MCC: variants seen among roughly 807,000 people sequenced by gnomAD.
MCC encodes colorectal mutant cancer protein.
Under a neutral mutation model 116.2 loss-of-function variants are expected in MCC, and 90 were observed. The observed-to-expected ratio is 0.77, with a 90% CI of 0.65 to 0.92. MCC has a LOEUF of 0.92. Ranked by LOEUF, MCC falls within the 40% of genes least tolerant of loss-of-function variation. MCC has a pLI of 0.00. For missense variants in MCC, 1,516 were observed against 1,312.2 expected, an observed-to-expected ratio of 1.16 and a Z score of -2.40; for synonymous variants, 578 against 510.5, an observed-to-expected ratio of 1.13 and a Z score of -1.78.
chr5:113,288,977 C>G (rs1766374464), intron 3 of MCC, among the ~76,000 whole-genome samples: 1 of 152,092 alleles, frequency 6.6e-6, no homozygotes, highest in Non-Finnish European at 1.5e-5. Flanking sequence ...ACAAAATGAA[C>G]AGCTATAAAG....
At chr5:113,247,641 G>A (rs1561484014) in intron 3 of MCC, among the ~76,000 whole-genome samples, 1 of 152,168 alleles carries the variant, frequency 6.6e-6, no homozygotes, top group African/African-American at 2.4e-5. Flanking sequence ...ACTGAGAGGA[G>A]ACTCAGCAGT....
chr5:113,077,658 T>G (rs564763560), intron 11 of MCC, among the ~76,000 whole-genome samples: 1 of 152,224 alleles, frequency 6.6e-6, no homozygotes, highest in East Asian at 1.9e-4. Context: ...TTTAAAGCAG[T>G]GTGTAGAGGG....
intron 1 of MCC, among the ~76,000 whole-genome samples, chr5:113,454,843 T>C (rs563946440): frequency 6.6e-6 from 1 of 152,208 alleles, no homozygotes; most frequent in Non-Finnish European, 1.5e-5. Flanking sequence ...AAAATGTTCA[T>C]CTGGGAGAGG....
At chr5:113,086,317 C>A (rs1486552423) in intron 8 of MCC, among the ~76,000 whole-genome samples, 1 of 78,632 alleles carries the variant, frequency 1.3e-5, no homozygotes, top group African/African-American at 7.6e-5. Flanking sequence ...GGGGGTTGAA[C>A]AGGTGCTAGG....
At chr5:113,384,517 G>A (rs1769200647) in intron 2 of MCC, among the ~76,000 whole-genome samples, 1 of 152,156 alleles carries the variant, frequency 6.6e-6, no homozygotes, top group African/African-American at 2.4e-5. Context: ...GAACCCGGGA[G>A]GCAGAGGTTG....
In MCC at chr5:113,302,263, A is replaced by C. The variant is rs547968552; in HGVS notation, c.627+38256T>G. 8.5e-5 allele frequency among the ~76,000 whole-genome samples: 13 copies of C among 152,302 alleles called. No homozygotes were observed. The East Asian group carries it at 2.3e-3, about 27-fold the overall frequency. ...AAATGTTACATTAACCACAAAAAAAACCCTATATAACTCTACTAGACAAAA... is the reference window on the plus strand; with the variant it reads ...AAATGTTACATTAACCACAAAAAAACCCCTATATAACTCTACTAGACAAAA... On this transcript the variant is annotated intron_variant, in intron 3 of 18. Transcript: ENST00000408903.
chr5:113,071,165 G>A lies in MCC; in HGVS notation c.1854C>T (p.Ala618=), dbSNP rs2227950. 543,953 of 1,613,390 alleles carry A rather than the reference G, an allele frequency of 0.34. 92,564 individuals are homozygous for A. The highest frequency in any genetic ancestry group is 0.36 in the South Asian group (32,696 of 90,998). The stretch of plus-strand genomic sequence containing the variant: ...TTCCCACCAGCATGCTCATCCTCTC[G>A]GCATTGCTTTTACATTCCTCCAAGG... ...TITLEECKSN[A]ERMSMLVGKY... Residue 618 remains alanine (A), a synonymous_variant, in exon 12 of 19, where the codon GCC becomes GCT. Coordinates refer to ENST00000408903, the MANE Select transcript of MCC (RefSeq NM_001085377.2).
chr5:113,312,140 G>A (rs1174524528), intron 3 of MCC, among the ~76,000 whole-genome samples: 1 of 151,980 alleles, frequency 6.6e-6, no homozygotes. Context: ...AGCTGGGTGT[G>A]GTAGCATACA....
At chr5:113,082,342 C>T (rs1754919065) in intron 11 of MCC, among the ~76,000 whole-genome samples, 1 of 152,232 alleles carries the variant, frequency 6.6e-6, no homozygotes, top group Admixed American at 6.5e-5. Context: ...CATGCCTGGT[C>T]GATGCCAGGA....
intron 1 of MCC, among the ~76,000 whole-genome samples, chr5:113,470,210 T>C (rs1333967746): frequency 1.3e-5 from 2 of 152,232 alleles, no homozygotes; most frequent in Non-Finnish European, 2.9e-5. Context: ...ATGTGTGAAT[T>C]TGATCCTGTC....
intron 3 of MCC, among the ~76,000 whole-genome samples, chr5:113,284,620 AGGCC>A (rs1766175302): frequency 6.6e-6 from 1 of 152,242 alleles, no homozygotes. Flanking sequence ...AGCCTTCTTC[AGGCC>A]TCAGTTTCTT....
intron 14 of MCC, among the ~76,000 whole-genome samples, chr5:113,054,585 G>T (rs1752691454): frequency 6.6e-6 from 1 of 152,250 alleles, no homozygotes; most frequent in African/African-American, 2.4e-5. Flanking sequence ...CTGTTTTGCT[G>T]TGTTTACTTC....
chr5:113,307,680 G>A (rs1017559125), intron 3 of MCC, among the ~76,000 whole-genome samples: 2 of 152,130 alleles, frequency 1.3e-5, no homozygotes, highest in African/African-American at 4.8e-5. Context: ...GTATAATGCT[G>A]AATAGAAATG....
At chr5:113,075,326 T>C (rs938156757) in intron 11 of MCC, among the ~76,000 whole-genome samples, 4 of 151,912 alleles carry the variant, frequency 2.6e-5, no homozygotes, top group Non-Finnish European at 4.4e-5. Context: ...CCTCACCCCC[T>C]GTGGGTTCCC....
In MCC at chr5:113,046,710, A is replaced by AAAAAAAAAAAAAG; in HGVS notation, c.2655+2382_2655+2383insCTTTTTTTTTTTT. 6.7e-3 allele frequency among the ~76,000 whole-genome samples: 686 copies of AAAAAAAAAAAAAG among 102,406 alleles called. 125 individuals are homozygous for AAAAAAAAAAAAAG. Among genetic ancestry groups the AAAAAAAAAAAAAG allele is most frequent in the Non-Finnish European group, 8.6e-3 (443 of 51,320 alleles). 67.2% of individuals were successfully genotyped at this position (102,406 alleles called of 152,430 possible). A position where few individuals can be genotyped will look rare whatever the true frequency, so the allele number is the denominator to read the frequency against. The stretch of plus-strand genomic sequence containing the variant: ...CAAAAAAAAAAAAAAAAAAAAAAAA[A>AAAAAAAAAAAAAG]AGAGAGAGATTTTGAAGGTGTTTGT... On this transcript the variant is annotated intron_variant, in intron 16 of 18. Transcript: ENST00000408903.
chr5:113,283,872 G>T (rs1581364800), intron 3 of MCC, among the ~76,000 whole-genome samples: 1 of 152,266 alleles, frequency 6.6e-6, no homozygotes, highest in Non-Finnish European at 1.5e-5. Flanking sequence ...TGCCACCTGG[G>T]ACAGCAAAAC....
Position 113,488,394 on chromosome 5 carries a change from T to G in MCC, c.21A>C (p.Ala7=), listed in dbSNP as rs1267013038. Residue 7 remains alanine, a synonymous_variant, in exon 1 of 19, where the codon GCA becomes GCC. Coordinates refer to ENST00000408903, the MANE Select transcript of MCC (RefSeq NM_001085377.2). Reference sequence around the variant, plus strand: ...CGCTGCTGGAGCTCCCCGCAGCCGCTGCCGCCGCGGCCGCCATCATGCGCC... The same window carrying G: ...CGCTGCTGGAGCTCCCCGCAGCCGCGGCCGCCGCGGCCGCCATCATGCGCC... MMAAAA[A]AAAGSSSSGG... is the part of the protein sequence containing the mutation. 1.4e-6 allele frequency: 2 copies of G among 1,402,546 alleles called. No homozygotes were observed. Among genetic ancestry groups the G allele is most frequent in the Non-Finnish European group, 1.8e-6 (2 of 1,089,948 alleles). The allele number at this position is 1,402,546 out of a possible 1,614,324, so 86.9% of individuals were successfully genotyped here.
At chr5:113,218,458 A>G (rs534934444) in intron 3 of MCC, among the ~76,000 whole-genome samples, 1 of 151,864 alleles carries the variant, frequency 6.6e-6, no homozygotes, top group South Asian at 2.1e-4. Flanking sequence ...CCGCTCAACC[A>G]GGAGGGCAGA....
chr5:113,474,678 A>G (rs143514714), intron 1 of MCC, among the ~76,000 whole-genome samples: 21 of 152,340 alleles, frequency 1.4e-4, no homozygotes, highest in African/African-American at 4.8e-4. Context: ...CCTGCAGATT[A>G]GAATACTAGG....
Sources: allele counts gnomAD v4.1 joint callset (sites outside exome capture counted in the v4.1 genomes callset), GRCh38; gene constraint gnomAD v4.1.1; transcripts MANE v1.5; gene names NCBI Gene and HGNC (gene_info 2026-07-23, HGNC 2026-07-21).